DSCAML1: variants seen among roughly 807,000 people sequenced by gnomAD.
DSCAML1 encodes the protein DS cell adhesion molecule like 1, also known as cell adhesion molecule DSCAML1.
Under a neutral mutation model 200.5 loss-of-function variants are expected in DSCAML1, and 38 were observed. The observed-to-expected ratio is 0.19, with a 90% CI of 0.15 to 0.25. The LOEUF (loss-of-function observed/expected upper bound fraction) is 0.25, where lower values mean the gene tolerates loss of function less well. Ranked by LOEUF, DSCAML1 falls within the 10% of genes least tolerant of loss-of-function variation. The pLI is 1.00. For missense variants in DSCAML1, 2,223 were observed against 2,858.8 expected, an observed-to-expected ratio of 0.78 and a Z score of 5.07; for synonymous variants, 1,215 against 1,165.0, an observed-to-expected ratio of 1.04 and a Z score of -0.87.
rs2048548650 is a variant in DSCAML1 at position 117,464,868 on chromosome 11, C to G, written c.3265+74G>C. ...GCCCAGGGGCAAACAGAGGGACCCACAAACCCTCTCTGGCAGCCCTGGCTC... is the reference window on the plus strand; with the variant it reads ...GCCCAGGGGCAAACAGAGGGACCCAGAAACCCTCTCTGGCAGCCCTGGCTC... On this transcript the variant is annotated intron_variant, in intron 17 of 32. Coordinates refer to ENST00000651296, the MANE Select transcript of DSCAML1 (RefSeq NM_020693.4). The G allele has an allele frequency of 3.8e-6, 6 of 1,570,592 alleles. No individual in the cohort carries two copies. The East Asian group carries it at 1.1e-4, about 30-fold the overall frequency.
chr11:117,623,269 T>G (rs962272836), intron 3 of DSCAML1, among the ~76,000 whole-genome samples: 1 of 139,910 alleles, frequency 7.1e-6, no homozygotes, highest in Non-Finnish European at 1.5e-5. Context: ...AGGCTGGGAG[T>G]GCAGTGGCGT....
At chr11:117,451,057 A>C (rs2048272791) in intron 19 of DSCAML1, among the ~76,000 whole-genome samples, 1 of 152,154 alleles carries the variant, frequency 6.6e-6, no homozygotes, top group Non-Finnish European at 1.5e-5. Flanking sequence ...GCATGTATTT[A>C]GGGGGAAAAT....
Position 117,437,624 on chromosome 11 carries a change from G to A in DSCAML1, c.4433-215C>T, listed in dbSNP as rs2047947495. 6.6e-6 allele frequency among the ~76,000 whole-genome samples: 1 copy of A among 152,132 alleles called. No homozygotes were observed. The highest frequency in any genetic ancestry group is 2.4e-5 in the African/African-American group (1 of 41,416). ...GGAAGAAAAGGGCAGGGCCTGGAGA[G>A]GGGCCTCAGTAGAGGAGGAAGGGAG... On this transcript the variant is annotated intron_variant, in intron 25 of 32. Transcript: ENST00000651296. This position sits in a 1 kb window ranked among gnomAD's most constrained non-coding sequence, Gnocchi z 5.3.
intron 3 of DSCAML1, among the ~76,000 whole-genome samples, chr11:117,682,576 T>C (rs1054500273): frequency 5.3e-5 from 8 of 152,276 alleles, no homozygotes; most frequent in South Asian, 2.1e-4. Context: ...TACATTCTAC[T>C]GAGAGGTGCT....
At chr11:117,429,308 G>A (rs997069527) in intron 32 of DSCAML1, among the ~76,000 whole-genome samples, 10 of 152,260 alleles carry the variant, frequency 6.6e-5, no homozygotes, top group African/African-American at 2.2e-4. Context: ...AGAGTAAGGC[G>A]TTCCCCTCTT....
At position 117,439,700 on chromosome 11, in the gene DSCAML1, CTGCAGGCCTG is replaced by C. The variant is rs2048004246; in HGVS notation, c.3980+109_3980+118del. ...AGTAGCAGCACACCCTGCAGGGCCT[CTGCAGGCCTG>C]GAGGCAACCGGGTCACCAGGCAGGA... On this transcript the variant is annotated intron_variant, in intron 22 of 32. Transcript: ENST00000651296. 8 of 1,007,858 alleles carry C rather than the reference CTGCAGGCCTG, an allele frequency of 7.9e-6. No individual in the cohort carries two copies. The Admixed American group carries it at 1.3e-4, about 16-fold the overall frequency. 62.4% of individuals were successfully genotyped at this position (1,007,858 alleles called of 1,614,324 possible).
chr11:117,597,074 T>G (rs1211079165), intron 3 of DSCAML1, among the ~76,000 whole-genome samples: 1 of 152,236 alleles, frequency 6.6e-6, no homozygotes, highest in African/African-American at 2.4e-5. Context: ...ACAGCACCGT[T>G]CTGCATGGAG....
chr11:117,759,384 A>G (rs2054758044), intron 3 of DSCAML1, among the ~76,000 whole-genome samples: 1 of 152,218 alleles, frequency 6.6e-6, no homozygotes, highest in African/African-American at 2.4e-5. Context: ...AGCTAAAGCA[A>G]GAAGGCAGCA....
chr11:117,590,964 C>T lies in DSCAML1; in HGVS notation c.512-58442G>A, dbSNP rs115712532. ...CTAGGATTCACTTTAAACACTTCAGCACAAAACAGGGGGAGTGATGAAGCT... is the reference window on the plus strand; with the variant it reads ...CTAGGATTCACTTTAAACACTTCAGTACAAAACAGGGGGAGTGATGAAGCT... On this transcript the variant is annotated intron_variant, in intron 3 of 32. Transcript: ENST00000651296. Among the ~76,000 whole-genome samples, 612 of 152,304 alleles carry T rather than the reference C, an allele frequency of 4.0e-3. 7 individuals are homozygous for T. The highest frequency in any genetic ancestry group is 0.014 in the African/African-American group (581 of 41,552).
chr11:117,675,470 ATTTTTTTTT>A (rs533948278), intron 3 of DSCAML1, among the ~76,000 whole-genome samples: 2 of 96,906 alleles, frequency 2.1e-5, no homozygotes, highest in South Asian at 4.5e-4. Context: ...GCTGATTGAA[ATTTTTTTTT>A]TTTTTTTTTT....
In DSCAML1 at chr11:117,505,360, T is replaced by G; in HGVS notation, c.2062+94A>C. 8.8e-4 allele frequency: 1,306 copies of G among 1,491,358 alleles called. No individual in the cohort carries two copies. The highest frequency in any genetic ancestry group is 1.1e-3 in the Non-Finnish European group (1,188 of 1,106,940). The allele number at this position is 1,491,358 out of a possible 1,614,324, so 92.4% of individuals were successfully genotyped here. On this transcript the variant is annotated intron_variant, in intron 9 of 32. Transcript: ENST00000651296. The surrounding 1 kb of genome is among the most constrained non-coding windows in gnomAD (Gnocchi z 6.7). Reference sequence around the variant, plus strand: ...TCAAGATGCTGGAGCCCACCTTCCATGAGCCCGTGATTGGAACTGGAAATC... The same window carrying G: ...TCAAGATGCTGGAGCCCACCTTCCAGGAGCCCGTGATTGGAACTGGAAATC...
chr11:117,810,913 C>T (rs970075276), intron 1 of DSCAML1, among the ~76,000 whole-genome samples: 2 of 152,174 alleles, frequency 1.3e-5, no homozygotes, highest in South Asian at 2.1e-4. Flanking sequence ...CCCCAAGCGT[C>T]GCTGAGTCTT....
rs1006966387 is a variant in DSCAML1 at position 117,540,424 on chromosome 11, G to A, written c.512-7902C>T. Among the ~76,000 whole-genome samples the A allele has an allele frequency of 3.9e-5, 6 of 152,130 alleles. No individual in the cohort carries two copies. In the East Asian group the frequency reaches 5.8e-4, roughly 15 times the overall value. On this transcript the variant is annotated intron_variant, in intron 3 of 32. Coordinates refer to ENST00000651296, the MANE Select transcript of DSCAML1 (RefSeq NM_020693.4). ...CCTACCCCTGTCCCGTGGAAATATC[G>A]TCTTCCATGAAACCAGTGGGGGACT... is the stretch of plus-strand genomic sequence containing the variant.
At chr11:117,786,491 C>T (rs560329334) in intron 1 of DSCAML1, among the ~76,000 whole-genome samples, 3 of 152,284 alleles carry the variant, frequency 2.0e-5, no homozygotes, top group East Asian at 1.9e-4. Flanking sequence ...TCAACTCACT[C>T]GCTCGCCCTC....
In DSCAML1 at chr11:117,569,043, C is replaced by T. The variant is rs1412152163; in HGVS notation, c.512-36521G>A. Among the ~76,000 whole-genome samples, 72 of 152,260 alleles carry T rather than the reference C, an allele frequency of 4.7e-4. 1 individual carries two copies. Among genetic ancestry groups the T allele is most frequent in the Non-Finnish European group, 8.1e-4 (55 of 68,020 alleles). On this transcript the variant is annotated intron_variant, in intron 3 of 32. Coordinates refer to ENST00000651296, the MANE Select transcript of DSCAML1 (RefSeq NM_020693.4). ...AGAGATATAGATCAATGGAACAGAA[C>T]AGAGCCCTCAGAAATAACGCCGCAT...
intron 3 of DSCAML1, among the ~76,000 whole-genome samples, chr11:117,627,849 C>T (rs888259656): frequency 3.3e-5 from 5 of 152,160 alleles, no homozygotes; most frequent in African/African-American, 1.2e-4. Context: ...CCATTAGGCT[C>T]CTCATGTTCC....
At chr11:117,456,671 C>CTTTTTTTTTT (rs10661996) in intron 19 of DSCAML1, among the ~76,000 whole-genome samples, 3 of 142,138 alleles carry the variant, frequency 2.1e-5, no homozygotes, top group African/African-American at 2.6e-5. Flanking sequence ...GCAGTCATTT[C>CTTTTTTTTTT]TTTTTTTTTT....
chr11:117,546,422 A>G (rs1460069182), intron 3 of DSCAML1, among the ~76,000 whole-genome samples: 2 of 152,218 alleles, frequency 1.3e-5, no homozygotes, highest in African/African-American at 4.8e-5. Context: ...GAACAACTGA[A>G]TGAATAAATG....
chr11:117,679,312 C>A (rs575889863), intron 3 of DSCAML1, among the ~76,000 whole-genome samples: 1 of 152,286 alleles, frequency 6.6e-6, no homozygotes, highest in South Asian at 2.1e-4. Context: ...GCTGGTGCGG[C>A]GGTCGGAGCT....
Sources: gnomAD v4.1 joint callset for allele counts (sites outside exome capture counted in the v4.1 genomes callset) on GRCh38, gnomAD v4.1.1 for gene constraint, Gnocchi (gnomAD v3.1) non-coding constraint, MANE v1.5 for transcripts, NCBI Gene and HGNC (gene_info 2026-07-23, HGNC 2026-07-21) for gene names.